Variants in KIAA1217 observed in about 807,000 individuals in gnomAD.
KIAA1217 encodes the protein sickle tail protein homolog.
In KIAA1217, 88 loss-of-function variants were observed where a neutral mutation model predicts 163.9. That is an observed-to-expected ratio of 0.54 (90% CI 0.45 to 0.64). The LOEUF is 0.64. KIAA1217 is among the 30% of genes least tolerant of loss of function. KIAA1217 has a pLI of 0.00. For missense variants in KIAA1217, 2,372 were observed against 2,475.0 expected (o/e 0.96, Z 0.88); for synonymous variants, 903 against 923.1 (o/e 0.98, Z 0.39).
At chr10:24,545,203 C>A in intron 20 of KIAA1217, 100 bp downstream of exon 20, 1 of 1,532,770 alleles carries the variant, frequency 6.5e-7, no homozygotes, top group Non-Finnish European at 8.8e-7. Context: ...TGTAAGATAA[C>A]GGTTTACATA....
intron 1 of KIAA1217, among the ~76,000 whole-genome samples, chr10:23,893,541 A>T (rs1841511310): frequency 6.6e-6 from 1 of 151,670 alleles, no homozygotes; most frequent in African/African-American, 2.4e-5. Flanking sequence ...TAGCTTTTGG[A>T]TGTGTTTGCT....
chr10:23,903,334 C>T (rs940863545), intron 1 of KIAA1217, among the ~76,000 whole-genome samples: 1 of 152,044 alleles, frequency 6.6e-6, no homozygotes, highest in Non-Finnish European at 1.5e-5. Context: ...AAATTTTTCT[C>T]ACTATCTCAA....
chr10:23,893,919 GC>G (rs1295291350), intron 1 of KIAA1217, among the ~76,000 whole-genome samples: 1 of 151,856 alleles, frequency 6.6e-6, no homozygotes. Context: ...TGCAGAAAAG[GC>G]CTTTGACAAA....
chr10:23,842,706 T>C lies in KIAA1217; in HGVS notation c.-321+147472T>C, dbSNP rs201510644. Among the ~76,000 whole-genome samples, 300 of 152,092 alleles carry C rather than the reference T, an allele frequency of 2.0e-3. 1 individual carries two copies. Among genetic ancestry groups the C allele is most frequent in the African/African-American group, 6.7e-3 (280 of 41,506 alleles). ...CCTTCACATGATGACATAAGTGAGT[T>C]TGGGGTTCAAGAAGGAATTATACAT... On this transcript the variant is annotated intron_variant, in intron 1 of 18. Transcript: ENST00000376462.
In KIAA1217 at chr10:23,789,974, C is replaced by CATGT. The variant is rs572911136; in HGVS notation, c.-321+94742_-321+94743insGTAT. 1.2e-3 allele frequency among the ~76,000 whole-genome samples: 155 copies of CATGT among 126,198 alleles called. 16 individuals are homozygous for CATGT. Among genetic ancestry groups the CATGT allele is most frequent in the Middle Eastern group, 4.2e-3 (1 of 240 alleles). The allele number at this position is 126,198 out of a possible 152,430, so 82.8% of individuals were successfully genotyped here. A position where few individuals can be genotyped will look rare whatever the true frequency, so the allele number is the denominator to read the frequency against. On this transcript the variant is annotated intron_variant, in intron 1 of 18. Coordinates refer to the KIAA1217 transcript ENST00000376462. ...ATGTATATATACACATATACATATA[C>CATGT]ATATATACACATATACATATACACA... is the stretch of plus-strand genomic sequence containing the variant.
At chr10:24,253,690 C>T (rs2074811420) in intron 2 of KIAA1217, among the ~76,000 whole-genome samples, 1 of 151,436 alleles carries the variant, frequency 6.6e-6, no homozygotes, top group African/African-American at 2.4e-5. Flanking sequence ...CAAGATTGTG[C>T]CACTGCAATC....
chr10:24,088,556 T>G (rs11013891), intron 2 of KIAA1217, among the ~76,000 whole-genome samples: 6,808 of 118,408 alleles, frequency 0.057, 897 homozygotes, highest in African/African-American at 0.17. Context: ...TTTGGTTTTT[T>G]GTCCTTGCGA....
chr10:23,793,140 A>G (rs149135465), intron 1 of KIAA1217, among the ~76,000 whole-genome samples: 1 of 152,208 alleles, frequency 6.6e-6, no homozygotes, highest in African/African-American at 2.4e-5. Flanking sequence ...GTTCTCTTCT[A>G]TTGATTAGGA....
At chr10:24,422,055 G>C (rs997825766) in intron 3 of KIAA1217, among the ~76,000 whole-genome samples, 1 of 152,190 alleles carries the variant, frequency 6.6e-6, no homozygotes, top group Non-Finnish European at 1.5e-5. Context: ...CAAATGAGGA[G>C]TAAAGTCACA....
intron 3 of KIAA1217, among the ~76,000 whole-genome samples, chr10:24,430,266 A>G (rs1362741314): frequency 1.4e-5 from 2 of 146,880 alleles, no homozygotes; most frequent in African/African-American, 2.5e-5. Flanking sequence ...TCGAGGGCAT[A>G]TCAGCCCCTT....
At chr10:23,999,840 G>C (rs373814233) in intron 1 of KIAA1217, among the ~76,000 whole-genome samples, 1 of 152,122 alleles carries the variant, frequency 6.6e-6, no homozygotes, top group East Asian at 1.9e-4. Flanking sequence ...CGAGAGGATC[G>C]CTTGAGCCCA....
In KIAA1217 at chr10:24,281,657, G is replaced by A. The variant is rs1308504228; in HGVS notation, c.354+61748G>A. Among the ~76,000 whole-genome samples the A allele has an allele frequency of 2.6e-5, 4 of 152,140 alleles. No homozygotes were observed. In the South Asian group the frequency reaches 8.3e-4, roughly 32 times the overall value. On this transcript the variant is annotated intron_variant, in intron 2 of 20. Transcript: ENST00000376454. Reference sequence around the variant, plus strand: ...TTATTTTGTAGAATCTCCTTCAATTGAGACTTGTCTGATGATTTTATCATG... The same window carrying A: ...TTATTTTGTAGAATCTCCTTCAATTAAGACTTGTCTGATGATTTTATCATG...
At chr10:23,759,156 G>C (rs544691426) in intron 1 of KIAA1217, among the ~76,000 whole-genome samples, 1 of 151,932 alleles carries the variant, frequency 6.6e-6, no homozygotes, top group Non-Finnish European at 1.5e-5. Context: ...TAATTCCTAA[G>C]TATTTTATTC....
intron 2 of KIAA1217, among the ~76,000 whole-genome samples, chr10:24,095,546 T>C (rs963175025): frequency 1.3e-5 from 2 of 152,142 alleles, no homozygotes; most frequent in Non-Finnish European, 2.9e-5. Context: ...TTGGCTTCAT[T>C]TTCTCAGACC....
chr10:23,846,983 T>C (rs1489735211), intron 1 of KIAA1217, among the ~76,000 whole-genome samples: 1 of 152,196 alleles, frequency 6.6e-6, no homozygotes, highest in Non-Finnish European at 1.5e-5. Context: ...TCTGCATCTA[T>C]TGAGATAATC....
At chr10:24,521,044 T>TG (rs1322686731) in intron 11 of KIAA1217, among the ~76,000 whole-genome samples, 4 of 130,310 alleles carry the variant, frequency 3.1e-5, no homozygotes, top group Admixed American at 2.9e-4. Flanking sequence ...AAAAAAAAGT[T>TG]TTTTTTTTTT....
intron 1 of KIAA1217, among the ~76,000 whole-genome samples, chr10:23,741,794 C>A (rs1404986070): frequency 1.3e-5 from 2 of 152,078 alleles, no homozygotes; most frequent in African/African-American, 2.4e-5. Context: ...AGAATAGGGG[C>A]TAGGGATATA....
At chr10:24,339,729 G>A (rs992519154) in intron 2 of KIAA1217, among the ~76,000 whole-genome samples, 1 of 152,140 alleles carries the variant, frequency 6.6e-6, no homozygotes, top group African/African-American at 2.4e-5. Context: ...GAAAGTTCTG[G>A]GCCAATGTTG....
intron 2 of KIAA1217, among the ~76,000 whole-genome samples, chr10:24,187,529 A>G (rs192077332): frequency 5.8e-4 from 88 of 152,366 alleles, no homozygotes; most frequent in Admixed American, 1.8e-3. Context: ...TTGAAGATTC[A>G]TCATGCAGTC....
Sources: allele counts gnomAD v4.1 joint callset (sites outside exome capture counted in the v4.1 genomes callset), GRCh38; gene constraint gnomAD v4.1.1; transcripts MANE v1.5; gene names NCBI Gene and HGNC (gene_info 2026-07-23, HGNC 2026-07-21).